Variants in DLG2 observed in about 807,000 individuals in gnomAD.
The protein encoded by DLG2 is disks large homolog 2.
In DLG2, 45 loss-of-function variants were observed where a neutral mutation model predicts 132.5. The observed-to-expected ratio is 0.34, with a 90% confidence interval of 0.27 to 0.44. DLG2 has a LOEUF of 0.44. Ranked by LOEUF, DLG2 falls within the 20% of genes least tolerant of loss-of-function variation. The probability of loss-of-function intolerance (pLI) is 1.00; values close to 1 mark genes in which losing one functional copy is unlikely to be tolerated. For missense variants in DLG2, 1,045 were observed against 1,196.9 expected, an observed-to-expected ratio of 0.87 and a Z score of 1.87; for synonymous variants, 424 against 419.6, an observed-to-expected ratio of 1.01 and a Z score of -0.13.
intron 18 of DLG2, chr11:83,645,852 T>C (rs1334003244): frequency 6.6e-6 from 1 of 152,138 alleles, no homozygotes; most frequent in Admixed American, 6.6e-5. Flanking sequence ...GTTTTTTCCA[T>C]TGTTATTTGC....
At chr11:83,577,935 AAT>A (rs1272079705) in intron 19 of DLG2, among the ~76,000 whole-genome samples, 1 of 133,544 alleles carries the variant, frequency 7.5e-6, no homozygotes, top group Non-Finnish European at 1.6e-5. Context: ...TATAATATAT[AAT>A]ATATATTTAA....
intron 4 of DLG2, among the ~76,000 whole-genome samples, chr11:85,202,417 G>A (rs1238436655): frequency 6.6e-6 from 1 of 151,996 alleles, no homozygotes; most frequent in Non-Finnish European, 1.5e-5. Flanking sequence ...ATAGATCTAA[G>A]GGAAAAATAA....
At chr11:85,491,209 T>C (rs2093553575) in intron 3 of DLG2, among the ~76,000 whole-genome samples, 1 of 152,208 alleles carries the variant, frequency 6.6e-6, no homozygotes, top group Admixed American at 6.5e-5. Flanking sequence ...AGGCATTTGA[T>C]AAAATTCAGC....
intron 4 of DLG2, among the ~76,000 whole-genome samples, chr11:85,270,814 G>C (rs915905106): frequency 6.6e-6 from 1 of 152,088 alleles, no homozygotes; most frequent in African/African-American, 2.4e-5. Flanking sequence ...GATGATTTAG[G>C]GCATCTGGCA....
chr11:84,023,534 A>T (rs185224456), intron 11 of DLG2, among the ~76,000 whole-genome samples: 9 of 152,294 alleles, frequency 5.9e-5, no homozygotes, highest in African/African-American at 1.9e-4. Flanking sequence ...TTTTATTTCT[A>T]CTTCTACTCT....
rs71066079 is a variant in DLG2 at position 83,997,730 on chromosome 11, C to CAAAAAAAAAAAAAA, written c.920-17102_920-17089dup. ...TGGGTGACAGAGCAAGACTCCATCT[C>CAAAAAAAAAAAAAA]AAAAAAAAAAAAAAAAAAAAAAAAA... On this transcript the variant is annotated intron_variant, in intron 11 of 27. Transcript: ENST00000376104. Among the ~76,000 whole-genome samples, 14 of 24,796 alleles carry CAAAAAAAAAAAAAA rather than the reference C, an allele frequency of 5.6e-4. 1 individual carries two copies. The highest frequency in any genetic ancestry group is 1.9e-3 in the East Asian group (1 of 536). 16.3% of individuals were successfully genotyped at this position (24,796 alleles called of 152,430 possible).
chr11:85,419,639 T>C (rs1011158213), intron 3 of DLG2, among the ~76,000 whole-genome samples: 1 of 152,214 alleles, frequency 6.6e-6, no homozygotes, highest in Non-Finnish European at 1.5e-5. Context: ...CTTTTCATTC[T>C]TATTTCTCTA....
At chr11:84,838,094 TAAAAC>T (rs1418740846) in intron 6 of DLG2, among the ~76,000 whole-genome samples, 1 of 151,848 alleles carries the variant, frequency 6.6e-6, no homozygotes, top group Non-Finnish European at 1.5e-5. Context: ...AATAGGGAAA[TAAAAC>T]AAAGCAATAT....
chr11:83,847,426 C>T (rs190222836), intron 16 of DLG2, among the ~76,000 whole-genome samples: 1 of 152,276 alleles, frequency 6.6e-6, no homozygotes, highest in South Asian at 2.1e-4. Flanking sequence ...ATCAAATGTT[C>T]AAACCCTCTA....
At chr11:84,330,862 C>G (rs1316825207) in intron 7 of DLG2, among the ~76,000 whole-genome samples, 1 of 152,158 alleles carries the variant, frequency 6.6e-6, no homozygotes, top group Non-Finnish European at 1.5e-5. Flanking sequence ...TTGTCACTCT[C>G]TTTGCCATCA....
chr11:83,789,062 A>G (rs12284617), intron 17 of DLG2, among the ~76,000 whole-genome samples: 71,255 of 152,030 alleles, frequency 0.47, 17,004 homozygotes, highest in Middle Eastern at 0.61. Flanking sequence ...CGAAGGCAAC[A>G]GAAAAGCTCA....
intron 3 of DLG2, among the ~76,000 whole-genome samples, chr11:85,505,022 T>C (rs1187782218): frequency 6.6e-6 from 1 of 152,116 alleles, no homozygotes; most frequent in South Asian, 2.1e-4. Context: ...TTGTCTGTTA[T>C]TGGTGTATTG....
At chr11:84,294,820 T>C (rs960824817) in intron 7 of DLG2, among the ~76,000 whole-genome samples, 6 of 152,146 alleles carry the variant, frequency 3.9e-5, no homozygotes, top group Non-Finnish European at 8.8e-5. Context: ...CTAAATTATA[T>C]CTAGTTGTCT....
chr11:84,647,187 G>A (rs1485413974), intron 6 of DLG2, among the ~76,000 whole-genome samples: 1 of 151,968 alleles, frequency 6.6e-6, no homozygotes, highest in Non-Finnish European at 1.5e-5. Context: ...TCATATAGGA[G>A]GTACATTTTA....
At chr11:84,840,659 C>T (rs1053336064) in intron 6 of DLG2, among the ~76,000 whole-genome samples, 2 of 152,018 alleles carry the variant, frequency 1.3e-5, no homozygotes, top group Admixed American at 6.6e-5. Context: ...TACTATGCAG[C>T]CATTAAAAAG....
intron 2 of DLG2, chr11:85,625,119 TTC>T (rs2081965125): frequency 6.7e-6 from 1 of 150,288 alleles, no homozygotes; most frequent in Admixed American, 6.6e-5. Context: ...TTTTATCTCT[TTC>T]TCTGTCTCTC....
chr11:83,498,999 G>A (rs1037734295), intron 21 of DLG2, among the ~76,000 whole-genome samples: 1 of 151,836 alleles, frequency 6.6e-6, no homozygotes, highest in Non-Finnish European at 1.5e-5. Context: ...TACCAAAATT[G>A]AATCAAGAAA....
At chr11:83,834,668 A>G (rs1040702514) in intron 16 of DLG2, among the ~76,000 whole-genome samples, 3 of 152,158 alleles carry the variant, frequency 2.0e-5, no homozygotes, top group Non-Finnish European at 4.4e-5. Flanking sequence ...GCCTTCAGAG[A>G]GGACTATAAA....
At position 85,427,831 on chromosome 11, in the gene DLG2, C is replaced by A. The variant is rs191109854; in HGVS notation, c.41-142466G>T. Among the ~76,000 whole-genome samples the A allele has an allele frequency of 6.2e-3, 947 of 152,180 alleles. 54 individuals are homozygous for A. The East Asian group carries it at 0.14, about 22-fold the overall frequency. Reference sequence around the variant, plus strand: ...GCTCCAATTAAAAGACACAGACTGGCAAATTGGATAAAGAGTCAAGACCCA... The same window carrying A: ...GCTCCAATTAAAAGACACAGACTGGAAAATTGGATAAAGAGTCAAGACCCA... On this transcript the variant is annotated intron_variant, in intron 3 of 27. Coordinates refer to ENST00000376104, the MANE Select transcript of DLG2 (RefSeq NM_001142699.3).
Sources: gnomAD v4.1 joint callset for allele counts (sites outside exome capture counted in the v4.1 genomes callset) on GRCh38, gnomAD v4.1.1 for gene constraint, MANE v1.5 for transcripts, NCBI Gene and HGNC (gene_info 2026-07-23, HGNC 2026-07-21) for gene names.